The following DAB1 variants were observed in gnomAD, a reference collection of about 807,000 sequenced individuals.
DAB1 encodes the protein disabled homolog 1.
DAB1 carries 15 observed loss-of-function variants against 64.6 expected under a neutral mutation model. The observed-to-expected ratio is 0.23, with a 90% CI of 0.16 to 0.36. The LOEUF (loss-of-function observed/expected upper bound fraction) is 0.36. Among genes scored for constraint, DAB1 ranks in the 10% least tolerant of loss-of-function variants. The probability of loss-of-function intolerance (pLI) is 1.00; values close to 1 mark genes in which losing one functional copy is unlikely to be tolerated. For synonymous variants in DAB1, 235 were observed against 251.9 expected (o/e 0.93, Z 0.64); for missense variants, 596 against 706.7 (o/e 0.84, Z 1.78).
At chr1:58,167,474 A>C (rs1006655539) in intron 4 of DAB1, among the ~76,000 whole-genome samples, 1 of 152,252 alleles carries the variant, frequency 6.6e-6, no homozygotes, top group Non-Finnish European at 1.5e-5. Context: ...AAGGATTGTA[A>C]ATGCACCAAT....
rs576244217 is a variant in DAB1, at chr1:57,026,560, G to GT, written c.724-518dup. On this transcript the variant is annotated intron_variant, in intron 9 of 14. Transcript: ENST00000371236. The stretch of plus-strand genomic sequence containing the variant: ...AATAAATAAACTAAGTCTCAGGGAT[G>GT]TGGCATCAAGGTCATCCAGGCCACG... Among the ~76,000 whole-genome samples the GT allele has an allele frequency of 1.9e-4, 29 of 152,334 alleles. No individual in the cohort carries two copies. In the East Asian group the frequency reaches 5.2e-3, roughly 27 times the overall value.
chr1:57,108,850 T>C (rs1175037743), intron 4 of DAB1, among the ~76,000 whole-genome samples: 1 of 152,206 alleles, frequency 6.6e-6, no homozygotes, highest in African/African-American at 2.4e-5. Flanking sequence ...CTAAATACAA[T>C]GAGTCATGTC....
At chr1:58,363,751 A>T (rs1228827244) in intron 3 of DAB1, among the ~76,000 whole-genome samples, 2 of 152,222 alleles carry the variant, frequency 1.3e-5, no homozygotes, top group Non-Finnish European at 2.9e-5. Context: ...GTCAGCATGG[A>T]TCACTGCCTT....
chr1:57,516,370 A>G (rs954372458), intron 7 of DAB1, among the ~76,000 whole-genome samples: 1 of 152,202 alleles, frequency 6.6e-6, no homozygotes, highest in Non-Finnish European at 1.5e-5. Flanking sequence ...ATTATACAGA[A>G]GATATGATGA....
intron 5 of DAB1, among the ~76,000 whole-genome samples, chr1:58,029,061 G>C (rs548952651): frequency 6.6e-6 from 1 of 152,092 alleles, no homozygotes; most frequent in South Asian, 2.1e-4. Context: ...AAACATAAAG[G>C]GTTGTTATAA....
At chr1:57,707,099 A>C (rs972655946) in intron 6 of DAB1, among the ~76,000 whole-genome samples, 2 of 151,398 alleles carry the variant, frequency 1.3e-5, no homozygotes, top group Non-Finnish European at 2.9e-5. Flanking sequence ...AAACAAAAAA[A>C]CCCCCCAAAA....
At chr1:57,014,812 C>G in intron 12 of DAB1, 71 bp downstream of exon 12, 1 of 1,345,718 alleles carries the variant, frequency 7.4e-7, no homozygotes. Flanking sequence ...TTATTTGACT[C>G]CAGAAACCCC....
At chr1:57,473,853 A>G (rs1373218477) in intron 7 of DAB1, among the ~76,000 whole-genome samples, 2 of 152,152 alleles carry the variant, frequency 1.3e-5, no homozygotes, top group East Asian at 1.9e-4. Flanking sequence ...ATATATTTTT[A>G]TTTAACCATA....
At chr1:57,047,083 C>T (rs1412886791) in intron 9 of DAB1, among the ~76,000 whole-genome samples, 1 of 152,170 alleles carries the variant, frequency 6.6e-6, no homozygotes, top group Non-Finnish European at 1.5e-5. Context: ...ACTAGGTCAC[C>T]TGGTTGTAGG....
At chr1:58,354,143 A>T (rs4244015) in intron 3 of DAB1, among the ~76,000 whole-genome samples, 1 of 152,002 alleles carries the variant, frequency 6.6e-6, no homozygotes, top group East Asian at 1.9e-4. Context: ...TCTGATAGGG[A>T]TGTAATGACG....
At chr1:57,242,599 C>A (rs548665386) in intron 2 of DAB1, among the ~76,000 whole-genome samples, 82 of 152,282 alleles carry the variant, frequency 5.4e-4, no homozygotes, top group African/African-American at 1.9e-3. Context: ...AACATACACA[C>A]AACTCCTTGG....
intron 4 of DAB1, among the ~76,000 whole-genome samples, chr1:57,100,826 G>A (rs11206972): frequency 0.22 from 33,760 of 151,192 alleles, 4,514 homozygotes; most frequent in East Asian, 0.53. Flanking sequence ...CAGGGGCTGG[G>A]TGTGCTTGGG....
chr1:57,076,203 C>T (rs914451356), intron 4 of DAB1, among the ~76,000 whole-genome samples: 8 of 152,124 alleles, frequency 5.3e-5, no homozygotes, highest in Non-Finnish European at 1.2e-4. Flanking sequence ...GTTCCTGGGG[C>T]CTTGCAGGTA....
chr1:58,104,877 G>C (rs975679403), intron 5 of DAB1, among the ~76,000 whole-genome samples: 1 of 152,030 alleles, frequency 6.6e-6, no homozygotes, highest in African/African-American at 2.4e-5. Flanking sequence ...TCTTGGTGTC[G>C]AATGGGATGT....
chr1:57,569,240 C>CAG (rs1645163530), intron 7 of DAB1, among the ~76,000 whole-genome samples: 1 of 106,132 alleles, frequency 9.4e-6, no homozygotes, highest in African/African-American at 3.6e-5. Flanking sequence ...GCCTGGGCGA[C>CAG]AGCGAGACTC....
At chr1:58,438,574 T>A (rs1644971212) in intron 3 of DAB1, among the ~76,000 whole-genome samples, 1 of 152,150 alleles carries the variant, frequency 6.6e-6, no homozygotes, top group African/African-American at 2.4e-5. Flanking sequence ...CTGGGATCCC[T>A]CCTGCTTATG....
intron 4 of DAB1, among the ~76,000 whole-genome samples, chr1:58,204,632 C>G (rs1039276544): frequency 6.6e-6 from 1 of 152,132 alleles, no homozygotes; most frequent in Non-Finnish European, 1.5e-5. Flanking sequence ...GTTGTCTCAC[C>G]CAGGCAATGA....
intron 5 of DAB1, among the ~76,000 whole-genome samples, chr1:58,127,621 T>C (rs1653206480): frequency 6.6e-6 from 1 of 152,242 alleles, no homozygotes; most frequent in Admixed American, 6.5e-5. Flanking sequence ...TCATCCATCT[T>C]GAACTGATTT....
chr1:57,888,458 T>C (rs2101978904), upstream of DAB1, among the ~76,000 whole-genome samples: 1 of 152,296 alleles, frequency 6.6e-6, no homozygotes, highest in East Asian at 1.9e-4. Flanking sequence ...GGTCTCTTTG[T>C]TCCCAATTTA....
Sources: gnomAD v4.1 joint callset for allele counts (sites outside exome capture counted in the v4.1 genomes callset) on GRCh38, gnomAD v4.1.1 for gene constraint, MANE v1.5 for transcripts, NCBI Gene and HGNC (gene_info 2026-07-23, HGNC 2026-07-21) for gene names.